The following NDST3 variants were observed in gnomAD, a reference collection of about 807,000 sequenced individuals.
NDST3 encodes bifunctional heparan sulfate N-deacetylase/N-sulfotransferase 3.
NDST3 carries 58 observed loss-of-function variants against 96.1 expected under a neutral mutation model. The ratio of observed to expected loss-of-function variants is 0.60; its 90% CI spans 0.49 to 0.75. NDST3 has a LOEUF of 0.75. NDST3 is among the 30% of genes least tolerant of loss of function. The probability of loss-of-function intolerance (pLI) is 0.00; values close to 1 mark genes in which losing one functional copy is unlikely to be tolerated. For missense variants in NDST3, 788 were observed against 1,034.2 expected, an observed-to-expected ratio of 0.76 and a Z score of 3.27; for synonymous variants, 333 against 359.7, an observed-to-expected ratio of 0.93 and a Z score of 0.84.
intron 6 of NDST3, among the ~76,000 whole-genome samples, chr4:118,218,081 G>C (rs941991384): frequency 4.6e-5 from 7 of 151,678 alleles, no homozygotes; most frequent in Non-Finnish European, 7.4e-5. Flanking sequence ...AAAAGCCCAA[G>C]ACCAGATACA....
intron 6 of NDST3, among the ~76,000 whole-genome samples, chr4:118,190,762 C>T (rs558089733): frequency 1.2e-3 from 179 of 152,234 alleles, no homozygotes; most frequent in African/African-American, 4.0e-3. Flanking sequence ...GTCTCCAGAC[C>T]TCACCATGGC....
At chr4:118,085,669 T>C (rs1292127962) in intron 2 of NDST3, among the ~76,000 whole-genome samples, 2 of 152,110 alleles carry the variant, frequency 1.3e-5, no homozygotes, top group African/African-American at 4.8e-5. Context: ...AACAATTTTA[T>C]ATATGCTTCT....
At chr4:118,150,312 G>C (rs978807299) in intron 6 of NDST3, among the ~76,000 whole-genome samples, 6 of 152,106 alleles carry the variant, frequency 3.9e-5, no homozygotes, top group African/African-American at 1.4e-4. Context: ...TTACCATTCA[G>C]GACATAAGCA....
At chr4:118,105,315 A>G (rs28369617) in intron 3 of NDST3, among the ~76,000 whole-genome samples, 1,573 of 152,252 alleles carry the variant, frequency 0.01, 19 homozygotes, top group African/African-American at 0.036. Flanking sequence ...TTTCATTTTT[A>G]TTGAATTATA....
At chr4:118,226,166 ACTG>A (rs1739867714) in intron 7 of NDST3, among the ~76,000 whole-genome samples, 1 of 152,146 alleles carries the variant, frequency 6.6e-6, no homozygotes, top group Non-Finnish European at 1.5e-5. Context: ...ATTAAAGGGT[ACTG>A]TAATTCTTCC....
chr4:118,139,876 G>A (rs1470363130), intron 5 of NDST3, among the ~76,000 whole-genome samples: 1 of 151,834 alleles, frequency 6.6e-6, no homozygotes, highest in Non-Finnish European at 1.5e-5. Flanking sequence ...TTACTTCCTT[G>A]ACTTTCATGT....
At chr4:118,056,826 G>T (rs1263663926) in intron 2 of NDST3, among the ~76,000 whole-genome samples, 1 of 151,924 alleles carries the variant, frequency 6.6e-6, no homozygotes, top group Non-Finnish European at 1.5e-5. Flanking sequence ...TAAAGTGGGG[G>T]TGATAAATAG....
chr4:118,129,348 GT>G (rs1560664143), intron 4 of NDST3, among the ~76,000 whole-genome samples: 1 of 151,756 alleles, frequency 6.6e-6, no homozygotes, highest in East Asian at 1.9e-4. Context: ...TCTTAGTGCT[GT>G]TTTTGCTGTA....
chr4:118,179,354 AT>A (rs1481556267), intron 6 of NDST3, among the ~76,000 whole-genome samples: 1 of 152,054 alleles, frequency 6.6e-6, no homozygotes, highest in African/African-American at 2.4e-5. Flanking sequence ...ATTTATTCCT[AT>A]AAATCAGATA....
At chr4:118,171,964 C>A (rs79220562) in intron 6 of NDST3, among the ~76,000 whole-genome samples, 18 of 152,296 alleles carry the variant, frequency 1.2e-4, no homozygotes, top group Non-Finnish European at 2.2e-4. Context: ...CTTGCTGATT[C>A]TACTCTGTGC....
intron 6 of NDST3, among the ~76,000 whole-genome samples, chr4:118,161,187 T>C (rs967949505): frequency 2.6e-5 from 4 of 152,196 alleles, no homozygotes; most frequent in Admixed American, 1.3e-4. Context: ...GAACAGCAGA[T>C]TTTCGTGAAC....
At chr4:118,171,708 C>T (rs1735964180) in intron 6 of NDST3, among the ~76,000 whole-genome samples, 1 of 152,178 alleles carries the variant, frequency 6.6e-6, no homozygotes, top group African/African-American at 2.4e-5. Context: ...ATTGTCCGTC[C>T]TTCTGAAGGT....
intron 2 of NDST3, among the ~76,000 whole-genome samples, chr4:118,087,016 A>G (rs1728475888): frequency 6.6e-6 from 1 of 152,148 alleles, no homozygotes; most frequent in African/African-American, 2.4e-5. Context: ...ATAAATTGTT[A>G]TAACTAGAAA....
chr4:118,181,790 G>A (rs1358444175), intron 6 of NDST3, among the ~76,000 whole-genome samples: 1 of 152,092 alleles, frequency 6.6e-6, no homozygotes, highest in Non-Finnish European at 1.5e-5. Flanking sequence ...ATTTGGGTTT[G>A]TTACTATATT....
intron 2 of NDST3, among the ~76,000 whole-genome samples, chr4:118,060,046 T>C (rs1192540807): frequency 6.6e-6 from 1 of 152,152 alleles, no homozygotes; most frequent in Non-Finnish European, 1.5e-5. Flanking sequence ...GATAGGAACA[T>C]ATATTATCTA....
In NDST3 at chr4:118,053,849, C is replaced by T. The variant is rs1261490894; in HGVS notation, c.-62C>T. 1.3e-6 allele frequency: 2 copies of T among 1,507,430 alleles called. No homozygotes were observed. Among genetic ancestry groups the T allele is most frequent in the African/African-American group, 1.4e-5 (1 of 71,316 alleles). 93.4% of individuals were successfully genotyped at this position (1,507,430 alleles called of 1,614,324 possible). A position where few individuals can be genotyped will look rare whatever the true frequency, so the allele number is the denominator to read the frequency against. On this transcript the variant is annotated 5_prime_UTR_variant, in exon 2 of 14. Coordinates refer to ENST00000296499, the MANE Select transcript of NDST3 (RefSeq NM_004784.3). ...GAGATTGGAAAAGTAGCTGGAACAC[C>T]ATCTTTTCTTTTAACTTTTTATGGT...
At chr4:118,156,087 G>GA (rs1437976818) in intron 6 of NDST3, among the ~76,000 whole-genome samples, 1 of 151,826 alleles carries the variant, frequency 6.6e-6, no homozygotes, top group Non-Finnish European at 1.5e-5. Flanking sequence ...TTCTTCACTT[G>GA]AAAAAAATCA....
chr4:118,184,617 A>G lies in NDST3; in HGVS notation c.1540-39874A>G, dbSNP rs949159045. 6.0e-5 allele frequency among the ~76,000 whole-genome samples: 9 copies of G among 151,118 alleles called. No homozygotes were observed. In the East Asian group the frequency reaches 9.7e-4, roughly 16 times the overall value. The stretch of plus-strand genomic sequence containing the variant: ...TCTCTCTCTCTACACACACACACAC[A>G]CACACACACACACACACACACACAC... On this transcript the variant is annotated intron_variant, in intron 6 of 13. Transcript: ENST00000296499.
At chr4:118,247,085 C>G (rs1274418604) in intron 12 of NDST3, among the ~76,000 whole-genome samples, 1 of 152,122 alleles carries the variant, frequency 6.6e-6, no homozygotes, top group Non-Finnish European at 1.5e-5. Flanking sequence ...AAATGAAAAC[C>G]TAAGTCCATA....
Sources: gnomAD v4.1 joint callset for allele counts (sites outside exome capture counted in the v4.1 genomes callset) on GRCh38, gnomAD v4.1.1 for gene constraint, MANE v1.5 for transcripts, NCBI Gene and HGNC (gene_info 2026-07-23, HGNC 2026-07-21) for gene names.